Variants in CLIP2 observed in about 807,000 individuals in gnomAD.
The protein encoded by CLIP2 is CAP-Gly domain containing linker protein 2, also known as CAP-Gly domain-containing linker protein 2.
Under a neutral mutation model 111.7 loss-of-function variants are expected in CLIP2, and 41 were observed. The observed-to-expected ratio is 0.37, with a 90% CI of 0.29 to 0.48. The LOEUF is 0.48. CLIP2 is among the 20% of genes least tolerant of loss of function. The probability of loss-of-function intolerance (pLI) is 0.99; values close to 1 mark genes in which losing one functional copy is unlikely to be tolerated. For missense variants in CLIP2, 1,160 were observed against 1,422.1 expected (o/e 0.82, Z 2.96); for synonymous variants, 660 against 644.2 (o/e 1.02, Z -0.37).
chr7:74,339,623 C>T (rs185309585), intron 3 of CLIP2, among the ~76,000 whole-genome samples: 34 of 152,160 alleles, frequency 2.2e-4, no homozygotes, highest in Admixed American at 5.2e-4. Context: ...GAATTTTAAT[C>T]GTACTTCAGT....
At chr7:74,331,205 C>CAAAAAAAAAAAAA (rs58844348) in intron 2 of CLIP2, among the ~76,000 whole-genome samples, 7 of 59,952 alleles carry the variant, frequency 1.2e-4, no homozygotes, top group African/African-American at 1.5e-4. Flanking sequence ...GACTCCATCT[C>CAAAAAAAAAAAAA]AAAAAAAAAA....
chr7:74,344,274 C>A (rs1007516460), intron 3 of CLIP2, among the ~76,000 whole-genome samples: 3 of 152,178 alleles, frequency 2.0e-5, no homozygotes, highest in Non-Finnish European at 2.9e-5. Flanking sequence ...TTGGCAGCAG[C>A]AAGGGGGCTG....
chr7:74,321,963 T>G (rs1344314609), intron 2 of CLIP2, among the ~76,000 whole-genome samples: 3 of 146,990 alleles, frequency 2.0e-5, no homozygotes, highest in African/African-American at 7.4e-5. Context: ...CTTTTTTATT[T>G]TTATTATTTT....
chr7:74,333,632 C>A (rs1300183094), intron 2 of CLIP2, among the ~76,000 whole-genome samples: 1 of 152,096 alleles, frequency 6.6e-6, no homozygotes, highest in Non-Finnish European at 1.5e-5. Flanking sequence ...CAGGAGCGAG[C>A]CACCATGGCT....
rs566532347 is a variant in CLIP2 at position 74,388,965 on chromosome 7, C to G, written c.2564-138C>G. ...AGCCAGACCCAATCTCTAAAAAAAC[C>G]GTCAAAACTATGCAGTGGGGTATGT... is the stretch of plus-strand genomic sequence containing the variant. On this transcript the variant is annotated intron_variant, in intron 12 of 16. Coordinates refer to ENST00000223398, the MANE Select transcript of CLIP2 (RefSeq NM_003388.5). 71 of 1,049,144 alleles carry G rather than the reference C, an allele frequency of 6.8e-5. No homozygotes were observed. The Middle Eastern group carries it at 1.2e-3, about 18-fold the overall frequency. The allele number at this position is 1,049,144 out of a possible 1,614,324, so 65.0% of individuals were successfully genotyped here. A position where few individuals can be genotyped will look rare whatever the true frequency, so the allele number is the denominator to read the frequency against.
intron 10 of CLIP2, among the ~76,000 whole-genome samples, chr7:74,379,465 T>A (rs1790882529): frequency 1.3e-5 from 2 of 152,054 alleles, no homozygotes; most frequent in East Asian, 3.9e-4. Flanking sequence ...ATGGGAATTT[T>A]AAAAATTATT....
intron 8 of CLIP2, among the ~76,000 whole-genome samples, chr7:74,366,096 C>T (rs1249856995): frequency 2.0e-5 from 3 of 152,020 alleles, no homozygotes; most frequent in African/African-American, 7.2e-5. Flanking sequence ...TCTTAAAAGT[C>T]AGAAATAAAA....
intron 16 of CLIP2, among the ~76,000 whole-genome samples, chr7:74,403,210 G>T (rs1791669237): frequency 1.1e-5 from 1 of 88,936 alleles, no homozygotes; most frequent in South Asian, 3.9e-4. Flanking sequence ...CAGTGAGACT[G>T]TCTCAAAAAA....
chr7:74,297,343 C>T (rs797023117), intron 1 of CLIP2, among the ~76,000 whole-genome samples: 11 of 151,976 alleles, frequency 7.2e-5, no homozygotes, highest in African/African-American at 2.4e-4. Flanking sequence ...GGCTTGGTGG[C>T]GCCTGCCTGT....
intron 2 of CLIP2, among the ~76,000 whole-genome samples, chr7:74,333,435 C>T (rs554991400): frequency 1.8e-3 from 266 of 151,846 alleles, no homozygotes; most frequent in African/African-American, 5.8e-3. Flanking sequence ...CCACCCACCT[C>T]GGCCTCCCAA....
intron 1 of CLIP2, 93 bp downstream of exon 1, chr7:74,289,827 T>C (rs1467977673): frequency 8.4e-6 from 1 of 119,544 alleles, no homozygotes; most frequent in Non-Finnish European, 1.7e-5. Context: ...AAAGCGGGGC[T>C]GCGGGCCCGG....
intron 9 of CLIP2, among the ~76,000 whole-genome samples, chr7:74,375,295 T>C (rs1790741531): frequency 2.0e-5 from 3 of 151,360 alleles, no homozygotes; most frequent in Admixed American, 2.0e-4. Context: ...ATGCCTATAA[T>C]CCCAACACTT....
At chr7:74,379,863 C>A (rs1466433511) in intron 10 of CLIP2, among the ~76,000 whole-genome samples, 3 of 152,116 alleles carry the variant, frequency 2.0e-5, no homozygotes, top group African/African-American at 7.2e-5. Flanking sequence ...AGGAGAATCG[C>A]TTGAACCCGG....
chr7:74,300,444 A>C (rs1223363254), intron 1 of CLIP2, among the ~76,000 whole-genome samples: 1 of 147,602 alleles, frequency 6.8e-6, no homozygotes, highest in Admixed American at 7.1e-5. Flanking sequence ...GCTGAAAAAG[A>C]CATGATTTCA....
At chr7:74,346,537 A>G (rs967895109) in intron 3 of CLIP2, among the ~76,000 whole-genome samples, 2 of 152,100 alleles carry the variant, frequency 1.3e-5, no homozygotes, top group African/African-American at 4.8e-5. Context: ...AGCCTGGCCA[A>G]CATGACAAAA....
In CLIP2 at chr7:74,376,603, G is replaced by A. The variant is rs782718705; in HGVS notation, c.2202G>A (p.Glu734=). Residue 734 remains glutamate (E), a synonymous_variant, in exon 10 of 17, where the codon GAG becomes GAA. Coordinates refer to ENST00000223398, the MANE Select transcript of CLIP2 (RefSeq NM_003388.5). This position sits in a 1 kb window ranked among gnomAD's most constrained non-coding sequence, Gnocchi z 7.1. ...QRRDAELRVH[E]LEKLDVEYRG... Reference sequence around the variant, plus strand: ...GGGATGCCGAGCTGCGTGTGCACGAGCTGGAAAAACTGGACGTGGAGTACC... The same window carrying A: ...GGGATGCCGAGCTGCGTGTGCACGAACTGGAAAAACTGGACGTGGAGTACC... The A allele has an allele frequency of 6.2e-7, 1 of 1,613,106 alleles. No homozygotes were observed. Among genetic ancestry groups the A allele is most frequent in the East Asian group, 2.2e-5 (1 of 44,848 alleles).
chr7:74,378,258 G>A (rs1790851061), intron 10 of CLIP2, among the ~76,000 whole-genome samples: 1 of 151,668 alleles, frequency 6.6e-6, no homozygotes, highest in Non-Finnish European at 1.5e-5. Flanking sequence ...CTTCCAAGTC[G>A]CCAGGACCAC....
chr7:74,372,995 G>T lies in CLIP2; in HGVS notation c.1444G>T (p.Ala482Ser). The T allele has an allele frequency of 6.3e-7, 1 of 1,599,216 alleles. No homozygotes were observed. ...ELEQSLLLEKAQAERLLRELA... is the reference protein window; with the variant it reads ...ELEQSLLLEKSQAERLLRELA... ...GGAACAGAGCCTGCTACTGGAGAAG[G>T]CGCAGGCCGAGCGGCTGCTCCGAGA... The change falls in exon 9 of 17, where the codon GCG becomes TCG. Residue 482 changes from alanine (A) to serine (S), a missense_variant. Transcript: ENST00000223398.
chr7:74,395,363 T>TG (rs1378746102), intron 13 of CLIP2, among the ~76,000 whole-genome samples: 3 of 152,090 alleles, frequency 2.0e-5, no homozygotes, highest in Non-Finnish European at 4.4e-5. Flanking sequence ...TTCACCATGT[T>TG]GACAGGCTGG....
Sources: allele counts gnomAD v4.1 joint callset (sites outside exome capture counted in the v4.1 genomes callset), GRCh38; gene constraint gnomAD v4.1.1; non-coding constraint Gnocchi (gnomAD v3.1); transcripts MANE v1.5; gene names NCBI Gene and HGNC (gene_info 2026-07-23, HGNC 2026-07-21).